Variants in CNTNAP5 observed in about 807,000 individuals in gnomAD.
The protein encoded by CNTNAP5 is contactin associated protein family member 5.
A neutral mutation model predicts 150.2 loss-of-function variants in CNTNAP5; 72 were observed. The ratio of observed to expected loss-of-function variants is 0.48; its 90% CI spans 0.40 to 0.58. The LOEUF is 0.58. Ranked by LOEUF, CNTNAP5 falls within the 20% of genes least tolerant of loss-of-function variation. The probability of loss-of-function intolerance (pLI) is 0.00; values close to 1 mark genes in which losing one functional copy is unlikely to be tolerated. For missense variants in CNTNAP5, 1,636 were observed against 1,626.2 expected (o/e 1.01, Z -0.10); for synonymous variants, 672 against 619.8 (o/e 1.08, Z -1.25).
At chr2:124,320,305 C>T (rs1259584742) in intron 3 of CNTNAP5, among the ~76,000 whole-genome samples, 1 of 152,210 alleles carries the variant, frequency 6.6e-6, no homozygotes, top group Admixed American at 6.5e-5. Context: ...TGTATGAGAG[C>T]ACCTGCCCAC....
At chr2:124,536,520 C>T (rs991428387) in intron 10 of CNTNAP5, among the ~76,000 whole-genome samples, 9 of 152,098 alleles carry the variant, frequency 5.9e-5, no homozygotes, top group African/African-American at 1.9e-4. Context: ...CGGTGATCGC[C>T]GTTTTCTACA....
intron 1 of CNTNAP5, among the ~76,000 whole-genome samples, chr2:124,040,394 G>C (rs1326399153): frequency 6.6e-6 from 1 of 152,026 alleles, no homozygotes; most frequent in Non-Finnish European, 1.5e-5. Flanking sequence ...AAAACACAAA[G>C]CTCCTTCAAC....
At chr2:124,227,107 C>T (rs568632091) in intron 2 of CNTNAP5, among the ~76,000 whole-genome samples, 3 of 152,056 alleles carry the variant, frequency 2.0e-5, no homozygotes, top group Non-Finnish European at 4.4e-5. Flanking sequence ...AGTGTCATAT[C>T]CAAAAAAGTA....
intron 1 of CNTNAP5, among the ~76,000 whole-genome samples, chr2:124,169,296 G>T (rs952171657): frequency 6.6e-6 from 1 of 152,212 alleles, no homozygotes; most frequent in African/African-American, 2.4e-5. Context: ...GGACATGAAG[G>T]CTTTGATGAT....
At chr2:124,775,236 C>G (rs1274102266) in intron 17 of CNTNAP5, among the ~76,000 whole-genome samples, 2 of 152,134 alleles carry the variant, frequency 1.3e-5, no homozygotes, top group Non-Finnish European at 2.9e-5. Context: ...TTCCATCTTG[C>G]ACAATTCAGT....
At chr2:124,038,427 G>T (rs573686278) in intron 1 of CNTNAP5, among the ~76,000 whole-genome samples, 3 of 152,176 alleles carry the variant, frequency 2.0e-5, no homozygotes, top group East Asian at 3.9e-4. Context: ...AAAATAATTT[G>T]TTCAATGTCC....
intron 3 of CNTNAP5, among the ~76,000 whole-genome samples, chr2:124,402,408 G>A (rs1414876847): frequency 1.3e-5 from 2 of 152,202 alleles, no homozygotes; most frequent in African/African-American, 4.8e-5. Context: ...TAAGAGCACA[G>A]AGTCGATAGC....
chr2:124,666,714 C>A (rs1310045399), intron 13 of CNTNAP5, among the ~76,000 whole-genome samples: 1 of 152,088 alleles, frequency 6.6e-6, no homozygotes, highest in African/African-American at 2.4e-5. Context: ...TTCCTCATCC[C>A]CTAAATACTG....
chr2:124,382,079 C>A (rs1419089927), intron 3 of CNTNAP5, among the ~76,000 whole-genome samples: 2 of 152,024 alleles, frequency 1.3e-5, no homozygotes, highest in Non-Finnish European at 2.9e-5. Context: ...TACTTGCATG[C>A]CCAAATAAAT....
At chr2:124,808,988 T>G (rs535564731) in intron 19 of CNTNAP5, among the ~76,000 whole-genome samples, 1 of 152,098 alleles carries the variant, frequency 6.6e-6, no homozygotes, top group Non-Finnish European at 1.5e-5. Flanking sequence ...CTTTTTTTTT[T>G]TCTCTATACT....
chr2:124,785,041 G>GAAAAAA (rs67254743), intron 17 of CNTNAP5, among the ~76,000 whole-genome samples: 7 of 123,426 alleles, frequency 5.7e-5, no homozygotes, highest in South Asian at 2.6e-4. Context: ...TTAAGGCTGA[G>GAAAAAA]AAAAAAAAAA....
At chr2:124,290,931 T>G (rs1430251) in intron 3 of CNTNAP5, among the ~76,000 whole-genome samples, 11,790 of 151,548 alleles carry the variant, frequency 0.078, 600 homozygotes, top group Non-Finnish European at 0.12. Flanking sequence ...GCAGGGATAA[T>G]TGTAGATGTT....
intron 1 of CNTNAP5, chr2:124,134,941 T>C (rs947788982): frequency 1.3e-5 from 2 of 152,224 alleles, no homozygotes; most frequent in African/African-American, 2.4e-5. Context: ...TCTTTATTTG[T>C]GTAACTGTAT....
At chr2:124,383,833 T>C (rs1213851070) in intron 3 of CNTNAP5, among the ~76,000 whole-genome samples, 1 of 152,212 alleles carries the variant, frequency 6.6e-6, no homozygotes, top group Non-Finnish European at 1.5e-5. Context: ...TTAATAATAA[T>C]AAAGTCCTGC....
chr2:124,044,824 A>T lies in CNTNAP5; in HGVS notation c.82+19092A>T, dbSNP rs566794921. Reference sequence around the variant, plus strand: ...CCTTCAGGTTGACCTTATCTCAGAAACTAAACTTCTTAATTGTAGCTGTAA... The same window carrying T: ...CCTTCAGGTTGACCTTATCTCAGAATCTAAACTTCTTAATTGTAGCTGTAA... On this transcript the variant is annotated intron_variant, in intron 1 of 23. Coordinates refer to ENST00000682447, the MANE Select transcript of CNTNAP5 (RefSeq NM_001367498.1). 4.0e-5 allele frequency among the ~76,000 whole-genome samples: 6 copies of T among 151,778 alleles called. No homozygotes were observed. In the South Asian group the frequency reaches 1.2e-3, roughly 32 times the overall value.
chr2:124,137,350 T>C (rs1036526929), intron 1 of CNTNAP5, among the ~76,000 whole-genome samples: 7 of 152,048 alleles, frequency 4.6e-5, no homozygotes, highest in Non-Finnish European at 1.5e-5. Flanking sequence ...TTTATTTGCA[T>C]ATAAATGAAA....
intron 1 of CNTNAP5, among the ~76,000 whole-genome samples, chr2:124,042,350 T>C (rs1307100195): frequency 1.3e-5 from 2 of 152,208 alleles, no homozygotes; most frequent in Non-Finnish European, 2.9e-5. Flanking sequence ...TTTTCTATTG[T>C]GAATAACATG....
chr2:124,468,900 G>C (rs1330061151), intron 6 of CNTNAP5, among the ~76,000 whole-genome samples: 1 of 152,174 alleles, frequency 6.6e-6, no homozygotes, highest in East Asian at 1.9e-4. Context: ...CTCAGCCTTT[G>C]CTAACCTGTC....
At chr2:124,672,256 T>C (rs1405055549) in intron 13 of CNTNAP5, among the ~76,000 whole-genome samples, 1 of 152,158 alleles carries the variant, frequency 6.6e-6, no homozygotes, top group Non-Finnish European at 1.5e-5. Flanking sequence ...GCCCACCCAT[T>C]TGCCCTCATT....
Sources: gnomAD v4.1 joint callset for allele counts (sites outside exome capture counted in the v4.1 genomes callset) on GRCh38, gnomAD v4.1.1 for gene constraint, MANE v1.5 for transcripts, NCBI Gene and HGNC (gene_info 2026-07-23, HGNC 2026-07-21) for gene names.